CDK14: variants seen among roughly 807,000 people sequenced by gnomAD.
CDK14 encodes the protein cyclin dependent kinase 14, also known as cyclin-dependent kinase 14.
Under a neutral mutation model 60.7 loss-of-function variants are expected in CDK14, and 34 were observed. The ratio of observed to expected loss-of-function variants is 0.56; its 90% CI spans 0.43 to 0.75. The LOEUF is 0.75. Among genes scored for constraint, CDK14 ranks in the 30% least tolerant of loss-of-function variants. CDK14 has a pLI of 0.00. For synonymous variants in CDK14, 197 were observed against 203.7 expected, an observed-to-expected ratio of 0.97 and a Z score of 0.28; for missense variants, 482 against 564.1, an observed-to-expected ratio of 0.85 and a Z score of 1.47.
At chr7:91,048,799 C>T (rs1218674491) in intron 11 of CDK14, among the ~76,000 whole-genome samples, 1 of 152,032 alleles carries the variant, frequency 6.6e-6, no homozygotes, top group Non-Finnish European at 1.5e-5. Context: ...TTTGTATTTC[C>T]TTTTCTCTGA....
intron 11 of CDK14, among the ~76,000 whole-genome samples, chr7:91,073,348 A>G (rs1798209545): frequency 6.6e-6 from 1 of 152,224 alleles, no homozygotes; most frequent in South Asian, 2.1e-4. Context: ...GTGGGGGCCA[A>G]TATTCAACAT....
At chr7:90,768,472 A>G (rs970618807) in intron 4 of CDK14, among the ~76,000 whole-genome samples, 5 of 152,218 alleles carry the variant, frequency 3.3e-5, no homozygotes, top group Non-Finnish European at 4.4e-5. Context: ...AGGATGAATG[A>G]TGGCCCTGTG....
At position 91,040,818 on chromosome 7, in the gene CDK14, G is replaced by C. The variant is rs138509812; in HGVS notation, c.1042-5079G>C. ...AGGGAAAAGCCCATGGACTCCTGTTGAGCAGCTCTGAGGCCTGTGCAAAAG... is the reference window on the plus strand; with the variant it reads ...AGGGAAAAGCCCATGGACTCCTGTTCAGCAGCTCTGAGGCCTGTGCAAAAG... On this transcript the variant is annotated intron_variant, in intron 10 of 14. Coordinates refer to ENST00000380050, the MANE Select transcript of CDK14 (RefSeq NM_001287135.2). 3.0e-3 allele frequency among the ~76,000 whole-genome samples: 458 copies of C among 152,332 alleles called. 2 individuals are homozygous for C. Among genetic ancestry groups the C allele is most frequent in the African/African-American group, 0.011 (438 of 41,584 alleles).
chr7:90,996,173 C>T (rs1386533062), intron 10 of CDK14, among the ~76,000 whole-genome samples: 1 of 152,182 alleles, frequency 6.6e-6, no homozygotes, highest in Non-Finnish European at 1.5e-5. Flanking sequence ...ATTGCATACA[C>T]AAGCAAATGA....
intron 2 of CDK14, among the ~76,000 whole-genome samples, chr7:90,696,237 A>G (rs916340434): frequency 1.3e-5 from 2 of 152,084 alleles, no homozygotes; most frequent in African/African-American, 4.8e-5. Context: ...AGTGATGTAA[A>G]GGTAGGCTCA....
At chr7:90,606,425 A>G (rs1244816174) in intron 2 of CDK14, among the ~76,000 whole-genome samples, 1 of 152,250 alleles carries the variant, frequency 6.6e-6, no homozygotes, top group East Asian at 1.9e-4. Context: ...GCTCACAAAA[A>G]GTGAATAGCT....
At chr7:90,646,669 G>A (rs1800475564) in intron 2 of CDK14, among the ~76,000 whole-genome samples, 1 of 152,110 alleles carries the variant, frequency 6.6e-6, no homozygotes, top group Non-Finnish European at 1.5e-5. Context: ...CTCCACACTA[G>A]TGGAGCTTTT....
intron 10 of CDK14, among the ~76,000 whole-genome samples, chr7:91,034,048 A>G (rs1796840641): frequency 6.6e-6 from 1 of 152,206 alleles, no homozygotes; most frequent in Non-Finnish European, 1.5e-5. Flanking sequence ...TTTCTGGAGT[A>G]ATTTTAGATT....
At chr7:91,151,310 T>G (rs565309665) in intron 14 of CDK14, among the ~76,000 whole-genome samples, 110 of 152,322 alleles carry the variant, frequency 7.2e-4, no homozygotes, top group Non-Finnish European at 1.4e-3. Context: ...AATCCACTCA[T>G]TTCAAATCAT....
At chr7:91,060,256 G>A (rs1358629046) in intron 11 of CDK14, among the ~76,000 whole-genome samples, 1 of 149,874 alleles carries the variant, frequency 6.7e-6, no homozygotes, top group Non-Finnish European at 1.5e-5. Flanking sequence ...TTGCTTGGTA[G>A]ATCTTCCTCT....
chr7:90,816,225 G>C (rs578146466), intron 5 of CDK14, among the ~76,000 whole-genome samples: 1 of 152,272 alleles, frequency 6.6e-6, no homozygotes, highest in South Asian at 2.1e-4. Context: ...AGACATAACT[G>C]CCAGGGCAGC....
At chr7:90,969,646 A>G (rs1794861132) in intron 9 of CDK14, among the ~76,000 whole-genome samples, 1 of 152,160 alleles carries the variant, frequency 6.6e-6, no homozygotes, top group Admixed American at 6.5e-5. Context: ...TTCTGCCTGG[A>G]CTATGCTTAT....
chr7:90,802,334 T>TCAGCTGTTTTATTGG (rs1443739197), intron 5 of CDK14, among the ~76,000 whole-genome samples: 2 of 152,228 alleles, frequency 1.3e-5, no homozygotes, highest in Non-Finnish European at 2.9e-5. Flanking sequence ...ATTTCTGAAT[T>TCAGCTGTTTTATTGG]CAGCTGTTTT....
intron 14 of CDK14, among the ~76,000 whole-genome samples, chr7:91,206,445 T>G (rs1439711285): frequency 6.6e-6 from 1 of 152,144 alleles, no homozygotes; most frequent in Non-Finnish European, 1.5e-5. Context: ...CCTGGGAGTG[T>G]TTCCACCCAT....
At chr7:90,917,801 T>C (rs937756719) in intron 8 of CDK14, 77 bp downstream of exon 8, 3 of 1,426,568 alleles carry the variant, frequency 2.1e-6, no homozygotes, top group Non-Finnish European at 2.9e-6. Context: ...TGCATTTGTT[T>C]AGGTGCACTT....
chr7:91,087,016 G>A (rs1004357332), intron 12 of CDK14, among the ~76,000 whole-genome samples: 3 of 152,044 alleles, frequency 2.0e-5, no homozygotes, highest in Non-Finnish European at 1.5e-5. Context: ...TGACCTCCAG[G>A]GCTCAAGCAA....
At chr7:90,952,620 C>T (rs1469025128) in intron 8 of CDK14, among the ~76,000 whole-genome samples, 1 of 152,198 alleles carries the variant, frequency 6.6e-6, no homozygotes, top group East Asian at 1.9e-4. Flanking sequence ...GCCAAAGCAG[C>T]AACGTGCATA....
At chr7:91,174,182 C>T (rs1031638552) in intron 14 of CDK14, among the ~76,000 whole-genome samples, 1 of 151,966 alleles carries the variant, frequency 6.6e-6, no homozygotes, top group Admixed American at 6.5e-5. Context: ...GGGAGGCACC[C>T]CCCAGCAGGG....
chr7:91,098,249 T>A (rs1799053510), intron 12 of CDK14, among the ~76,000 whole-genome samples: 1 of 152,202 alleles, frequency 6.6e-6, no homozygotes, highest in South Asian at 2.1e-4. Context: ...GAACTAAACT[T>A]TAATAACCCA....
Sources: gnomAD v4.1 joint callset for allele counts (sites outside exome capture counted in the v4.1 genomes callset) on GRCh38, gnomAD v4.1.1 for gene constraint, MANE v1.5 for transcripts, NCBI Gene and HGNC (gene_info 2026-07-23, HGNC 2026-07-21) for gene names.